Variants in ELOVL6 observed in about 807,000 individuals in gnomAD.
ELOVL6 encodes the protein very long chain fatty acid elongase 6.
Under a neutral mutation model 31.7 loss-of-function variants are expected in ELOVL6, and 8 were observed. The ratio of observed to expected loss-of-function variants is 0.25; its 90% CI spans 0.15 to 0.45. The LOEUF (loss-of-function observed/expected upper bound fraction) is 0.45, where lower values mean the gene tolerates loss of function less well. Ranked by LOEUF, ELOVL6 falls within the 20% of genes least tolerant of loss-of-function variation. ELOVL6 has a pLI of 1.00. For missense variants in ELOVL6, 126 were observed against 326.4 expected (o/e 0.39, Z 4.73); for synonymous variants, 101 against 117.7 (o/e 0.86, Z 0.92).
intron 1 of ELOVL6, among the ~76,000 whole-genome samples, chr4:110,149,415 G>C (rs1277667339): frequency 6.6e-6 from 1 of 152,154 alleles, no homozygotes; most frequent in Non-Finnish European, 1.5e-5. Flanking sequence ...TAAAGAAAAT[G>C]TGTTATGTGT....
chr4:110,109,336 TG>T (rs1485794543), intron 1 of ELOVL6, among the ~76,000 whole-genome samples: 2 of 152,148 alleles, frequency 1.3e-5, no homozygotes, highest in African/African-American at 4.8e-5. Context: ...TTCAGTGTGG[TG>T]ATTCAGGAGT....
At chr4:110,179,735 C>G (rs62326612) in intron 1 of ELOVL6, among the ~76,000 whole-genome samples, 1 of 152,012 alleles carries the variant, frequency 6.6e-6, no homozygotes. Context: ...ACAAGACATA[C>G]GGAGCTGTTA....
intron 2 of ELOVL6, among the ~76,000 whole-genome samples, chr4:110,061,549 C>CTTTTTTTGTTTTTTTTTTTTTTTTT (rs1755139038): frequency 1.4e-5 from 1 of 72,366 alleles, no homozygotes; most frequent in Non-Finnish European, 2.6e-5. Flanking sequence ...CAAATGATGG[C>CTTTTTTTGTTTTTTTTTTTTTTTTT]TTTTTTTTTT....
In ELOVL6 at chr4:110,051,345, G is replaced by A. The variant is rs774835695; in HGVS notation, c.791C>T (p.Ala264Val). 1.9e-6 allele frequency: 3 copies of A among 1,613,972 alleles called. No individual in the cohort carries two copies. Among genetic ancestry groups the A allele is most frequent in the Non-Finnish European group, 1.7e-6 (2 of 1,179,920 alleles). The change falls in exon 4 of 4, where the codon GCT becomes GTT. Residue 264 changes from alanine to valine, a missense_variant. Coordinates refer to ENST00000302274, the MANE Select transcript of ELOVL6 (RefSeq NM_024090.3). The surrounding 1 kb of genome is among the most constrained non-coding windows in gnomAD (Gnocchi z 4.8). ...TCCTCCTCAGTTCCAACACTATTCA[G>A]CTTTCGTTGTTTTCCTCATTTTGCC... ...YIGKMRKTTK[A>V]E
At chr4:110,084,356 A>ATATCGCATATATGATATG (rs1405483393) in intron 2 of ELOVL6, among the ~76,000 whole-genome samples, 1 of 119,642 alleles carries the variant, frequency 8.4e-6, no homozygotes, top group Non-Finnish European at 1.7e-5. Context: ...TATATGATAT[A>ATATCGCATATATGATATG]TACCGCATAT....
chr4:110,073,662 T>C (rs1044525984), intron 2 of ELOVL6, among the ~76,000 whole-genome samples: 30 of 152,154 alleles, frequency 2.0e-4, no homozygotes, highest in African/African-American at 5.1e-4. Flanking sequence ...CACTATGAAA[T>C]GTAAGCATTG....
At position 110,186,015 on chromosome 4, in the gene ELOVL6, C is replaced by A. The variant is rs1246483478; in HGVS notation, c.89+12232G>T. On this transcript the variant is annotated intron_variant, in intron 1 of 3. Coordinates refer to ENST00000302274, the MANE Select transcript of ELOVL6 (RefSeq NM_024090.3). The stretch of plus-strand genomic sequence containing the variant: ...GACCACCCTGGCTAACATGGTGAAA[C>A]CCTGTATCTACTAAAAATAGAAAAA... Among the ~76,000 whole-genome samples, 4 of 152,134 alleles carry A rather than the reference C, an allele frequency of 2.6e-5. No homozygotes were observed. The East Asian group carries it at 5.8e-4, about 22-fold the overall frequency.
chr4:110,094,069 G>A (rs1756496007), intron 2 of ELOVL6, among the ~76,000 whole-genome samples: 2 of 151,970 alleles, frequency 1.3e-5, no homozygotes, highest in South Asian at 4.2e-4. Flanking sequence ...GGCCGACATG[G>A]CAAAAGCCCG....
intron 1 of ELOVL6, among the ~76,000 whole-genome samples, chr4:110,187,053 TTCAC>T (rs1433515360): frequency 6.6e-6 from 1 of 151,470 alleles, no homozygotes; most frequent in African/African-American, 2.4e-5. Flanking sequence ...AATCCTTATC[TTCAC>T]TCATTTTATA....
intron 1 of ELOVL6, among the ~76,000 whole-genome samples, chr4:110,122,062 T>C (rs1757372783): frequency 6.6e-6 from 1 of 152,226 alleles, no homozygotes; most frequent in Admixed American, 6.5e-5. Context: ...ACCGTTGTTT[T>C]GTCTTTGTGT....
chr4:110,115,113 A>T (rs1343481935), intron 1 of ELOVL6, among the ~76,000 whole-genome samples: 1 of 152,206 alleles, frequency 6.6e-6, no homozygotes, highest in Non-Finnish European at 1.5e-5. Context: ...TTTCACGTTA[A>T]CTATTGGATA....
rs201579820 is a variant in ELOVL6, at chr4:110,141,824, C to CAT, written c.90-36198_90-36197dup. On this transcript the variant is annotated intron_variant, in intron 1 of 3. Transcript: ENST00000302274. ...ACAATGTACTAATACAATACAATAC[C>CAT]ATATATATATACACTAACACAATAC... 5.6e-3 allele frequency among the ~76,000 whole-genome samples: 718 copies of CAT among 128,314 alleles called. 14 individuals carry two copies. The highest frequency in any genetic ancestry group is 0.05 in the Middle Eastern group (12 of 240). The allele number at this position is 128,314 out of a possible 152,430, so 84.2% of individuals were successfully genotyped here. A position where few individuals can be genotyped will look rare whatever the true frequency, so the allele number is the denominator to read the frequency against.
chr4:110,123,458 G>A (rs904487644), intron 1 of ELOVL6, among the ~76,000 whole-genome samples: 2 of 152,142 alleles, frequency 1.3e-5, no homozygotes, highest in Non-Finnish European at 2.9e-5. Context: ...CCCCGTCCTC[G>A]TGGATGGAGG....
intron 1 of ELOVL6, among the ~76,000 whole-genome samples, chr4:110,182,769 G>A (rs1027760627): frequency 6.6e-6 from 1 of 152,098 alleles, no homozygotes; most frequent in African/African-American, 2.4e-5. Flanking sequence ...TTAGCCAGGC[G>A]TGGTGGCCCA....
chr4:110,081,249 G>T (rs1321549355), intron 2 of ELOVL6, among the ~76,000 whole-genome samples: 4 of 152,072 alleles, frequency 2.6e-5, no homozygotes, highest in Non-Finnish European at 5.9e-5. Flanking sequence ...CCACTTTAAA[G>T]TTCATATGGA....
intron 1 of ELOVL6, among the ~76,000 whole-genome samples, chr4:110,145,359 G>A (rs1018660023): frequency 6.6e-6 from 1 of 152,074 alleles, no homozygotes; most frequent in Non-Finnish European, 1.5e-5. Context: ...ATGATATCCA[G>A]GCAGAAGGGA....
At chr4:110,182,651 G>T (rs906530372) in intron 1 of ELOVL6, among the ~76,000 whole-genome samples, 11 of 152,194 alleles carry the variant, frequency 7.2e-5, no homozygotes, top group African/African-American at 2.7e-4. Flanking sequence ...GCTCATGCTT[G>T]TAATCCCAGC....
At position 110,148,500 on chromosome 4, in the gene ELOVL6, G is replaced by C. The variant is rs929322347; in HGVS notation, c.90-42872C>G. On this transcript the variant is annotated intron_variant, in intron 1 of 3. Coordinates refer to ENST00000302274, the MANE Select transcript of ELOVL6 (RefSeq NM_024090.3). ...CCCAGAAGGGGGTTGTGCGGGGGAG[G>C]GGGGGAGGTAGGAATGGTTAATGGG... is the stretch of plus-strand genomic sequence containing the variant. Among the ~76,000 whole-genome samples, 8 of 150,976 alleles carry C rather than the reference G, an allele frequency of 5.3e-5. No homozygotes were observed. In the South Asian group the frequency reaches 1.1e-3, roughly 20 times the overall value.
At chr4:110,160,112 A>AC (rs1758589359) in intron 1 of ELOVL6, among the ~76,000 whole-genome samples, 5 of 151,692 alleles carry the variant, frequency 3.3e-5, no homozygotes, top group African/African-American at 1.2e-4. Context: ...ACACACACAC[A>AC]AACACACACA....
Sources: allele counts gnomAD v4.1 joint callset (sites outside exome capture counted in the v4.1 genomes callset), GRCh38; gene constraint gnomAD v4.1.1; non-coding constraint Gnocchi (gnomAD v3.1); transcripts MANE v1.5; gene names NCBI Gene and HGNC (gene_info 2026-07-23, HGNC 2026-07-21).